Variants in RPL4 observed in about 807,000 individuals in gnomAD.
RPL4 encodes the protein large ribosomal subunit protein uL4.
In RPL4, 3 loss-of-function variants were observed where a neutral mutation model predicts 47.7. The ratio of observed to expected loss-of-function variants is 0.06; its 90% CI spans 0.03 to 0.16. The LOEUF is 0.16. RPL4 is among the 10% of genes least tolerant of loss of function. RPL4 has a pLI of 1.00. For missense variants in RPL4, 413 were observed against 551.3 expected (o/e 0.75, Z 2.51); for synonymous variants, 208 against 182.1 (o/e 1.14, Z -1.15).
chr15:66,501,652 A>G, intron 5 of RPL4, 136 bp downstream of exon 5: 1 of 1,501,670 alleles, frequency 6.7e-7, no homozygotes, highest in Non-Finnish European at 9.0e-7. Flanking sequence ...TAGGATTCAA[A>G]CCCAAGTAAT....
In RPL4 at chr15:66,499,108, A is replaced by G. The variant is rs1056002255; in HGVS notation, c.*299T>C. ...TTGAACAGCCTCTGCGTTTCTGACC[A>G]AGTCCTGTTACACCTATTTTTCAAG... On this transcript the variant is annotated 3_prime_UTR_variant, in exon 10 of 10. Transcript: ENST00000307961. 5 of 276,998 alleles carry G rather than the reference A, an allele frequency of 1.8e-5. No homozygotes were observed. Among genetic ancestry groups the G allele is most frequent in the Admixed American group, 4.9e-5 (1 of 20,400 alleles). 17.2% of individuals were successfully genotyped at this position (276,998 alleles called of 1,614,324 possible).
rs764445070 is a variant in RPL4, at chr15:66,500,311, C to T, written c.899G>A (p.Arg300Lys). Reference protein sequence around the residue: ...SRILKSPEIQRALRAPRKKIH... With the variant: ...SRILKSPEIQKALRAPRKKIH... The stretch of plus-strand genomic sequence containing the variant: ...ACTTTACCGTGGTGCTCGAAGGGCT[C>T]TTTGGATCTCTGGGCTTTTCAAGAT... Residue 300 changes from arginine to lysine, a missense_variant, in exon 8 of 10, where the codon AGA becomes AAA. Around this residue, in one of 4 missense-constraint regions of RPL4, gnomAD observed 214 missense variants for 304.2 expected, o/e 0.70. Transcript: ENST00000307961. 2 of 1,614,068 alleles carry T rather than the reference C, an allele frequency of 1.2e-6. No homozygotes were observed. Among genetic ancestry groups the T allele is most frequent in the Admixed American group, 1.7e-5 (1 of 60,020 alleles).
chr15:66,502,977 C>T (rs117657369), intron 3 of RPL4, 81 bp downstream of exon 3: 26,910 of 1,378,082 alleles, frequency 0.02, 356 homozygotes, highest in Non-Finnish European at 0.025. Flanking sequence ...ATTTTTACAC[C>T]GTATTATCAT....
chr15:66,501,533 A>AT, intron 5 of RPL4, 29 bp from the exon 6 acceptor site: 1 of 1,612,790 alleles, frequency 6.2e-7, no homozygotes, highest in Non-Finnish European at 8.5e-7. Context: ...TAGTATTCTG[A>AT]TTAAGATAGA....
rs1456577331 is a variant in RPL4 at position 66,501,358 on chromosome 15, G to A, written c.676+17C>T. The A allele has an allele frequency of 6.2e-7, 1 of 1,614,104 alleles. No homozygotes were observed. Among genetic ancestry groups the A allele is most frequent in the East Asian group, 2.2e-5 (1 of 44,892 alleles). On this transcript the variant is annotated intron_variant, in intron 6 of 9. Transcript: ENST00000307961. ...TGCAGAGTATACCTAGTCAATATAT[G>A]TAAGCAGTTTAATTACCAGGGATGT...
rs772293642 is a variant in RPL4, at chr15:66,500,674, T to C, written c.833+275A>G. ...GCACAAGCCTGTAGTCCCAGGTACT[T>C]GGGAGGCTGAGACAGGAGAACTGCT... On this transcript the variant is annotated intron_variant, in intron 7 of 9. Transcript: ENST00000307961. 3.3e-4 allele frequency: 181 copies of C among 541,274 alleles called. 1 individual carries two copies. Among genetic ancestry groups the C allele is most frequent in the Non-Finnish European group, 5.2e-4 (159 of 307,062 alleles). The allele number at this position is 541,274 out of a possible 1,614,324, so 33.5% of individuals were successfully genotyped here.
rs367993921 is a variant in RPL4, at chr15:66,504,755, G to A, written c.3+33C>T. 9 of 1,610,696 alleles carry A rather than the reference G, an allele frequency of 5.6e-6. No individual in the cohort carries two copies. In the Admixed American group the frequency reaches 8.4e-5, roughly 15 times the overall value. ...TCCTTCCTTACTGGCCCCGAGATAC[G>A]GGGTAAGGCCAGCCAAGAGAACTTC... is the stretch of plus-strand genomic sequence containing the variant. On this transcript the variant is annotated intron_variant, in intron 1 of 9. Transcript: ENST00000307961.
rs143293188 is a variant in RPL4, at chr15:66,501,095, C to T, written c.687G>A (p.Leu229=). The T allele has an allele frequency of 5.8e-4, 940 of 1,610,152 alleles. No individual in the cohort carries two copies. The highest frequency in any genetic ancestry group is 7.5e-4 in the Non-Finnish European group (880 of 1,179,118). Residue 229 remains leucine, a synonymous_variant, in exon 7 of 10, where the codon CTG becomes CTA. Coordinates refer to ENST00000307961, the MANE Select transcript of RPL4 (RefSeq NM_000968.4). ...AAATGTTCAGCTTGCTTACATTAAGCAGAGTAATTCCTTTTAAAGGGAAAG... is the reference window on the plus strand; with the variant it reads ...AAATGTTCAGCTTGCTTACATTAAGTAGAGTAATTCCTTTTAAAGGGAAAG... The part of the protein sequence containing the change: ...KAFRNIPGIT[L]LNVSKLNILK...
intron 7 of RPL4, 184 bp from the exon 8 acceptor site, chr15:66,500,560 G>T: frequency 1.6e-6 from 1 of 606,618 alleles, no homozygotes. Context: ...TGGGGAGGCC[G>T]AGGCGGGTGG....
intron 3 of RPL4, 36 bp downstream of exon 3, chr15:66,503,022 G>C (rs777772645): frequency 9.5e-6 from 15 of 1,571,704 alleles, no homozygotes; most frequent in Middle Eastern, 1.7e-4. Flanking sequence ...AATTCCATCA[G>C]AGATGACCAG....
Position 66,502,661 on chromosome 15 carries a change from G to T in RPL4, c.372C>A (p.Ile124=). ...GGGCTGAGGCAGCCAGGGCAGAACA[G>T]ATGGCGTATCGTTTTTGGGTTGTGT... The part of the protein sequence containing the change: ...RVNTTQKRYA[I]CSALAASALP... Residue 124 remains isoleucine (I), a synonymous_variant, in exon 4 of 10, where the codon ATC becomes ATA. Coordinates refer to ENST00000307961, the MANE Select transcript of RPL4 (RefSeq NM_000968.4). 6.2e-7 allele frequency: 1 copy of T among 1,613,450 alleles called. No individual in the cohort carries two copies. The highest frequency in any genetic ancestry group is 8.5e-7 in the Non-Finnish European group (1 of 1,179,866).
rs79422795 is a variant in RPL4, at chr15:66,499,321, T to C, written c.*86A>G. ...CTTTACAGAGCACACCAAGTCATGT[T>C]TCTCACTGCCTGTATAATCAGGTCT... is the stretch of plus-strand genomic sequence containing the variant. On this transcript the variant is annotated 3_prime_UTR_variant, in exon 10 of 10. Coordinates refer to ENST00000307961, the MANE Select transcript of RPL4 (RefSeq NM_000968.4). 3.1e-3 allele frequency: 4,654 copies of C among 1,495,510 alleles called. 120 individuals carry two copies. In the African/African-American group the frequency reaches 0.057, roughly 18 times the overall value. The allele number at this position is 1,495,510 out of a possible 1,614,324, so 92.6% of individuals were successfully genotyped here.
rs1322260164 is a variant in RPL4 at position 66,501,026 on chromosome 15, C to A, written c.756G>T (p.Trp252Cys). The A allele has an allele frequency of 6.2e-7, 1 of 1,613,856 alleles. No homozygotes were observed. The highest frequency in any genetic ancestry group is 8.5e-7 in the Non-Finnish European group (1 of 1,179,936). The change falls in exon 7 of 10, where the codon TGG becomes TGT. Residue 252 changes from tryptophan to cysteine, a missense_variant. By Grantham distance (215) the Trp-to-Cys change is radical. Around this residue, in one of 4 missense-constraint regions of RPL4, gnomAD observed 214 missense variants for 304.2 expected, o/e 0.70. Coordinates refer to ENST00000307961, the MANE Select transcript of RPL4 (RefSeq NM_000968.4). ...CTAACTTCCGGAAAGCACTTTCAGTCCAAATGCAGAAACGTCCCACATGCC... is the reference window on the plus strand; with the variant it reads ...CTAACTTCCGGAAAGCACTTTCAGTACAAATGCAGAAACGTCCCACATGCC... ...PGGHVGRFCI[W>C]TESAFRKLDE...
At chr15:66,504,762 GGCCA>G in intron 1 of RPL4, 22 bp downstream of exon 1, 1 of 1,611,554 alleles carries the variant, frequency 6.2e-7, no homozygotes, top group Non-Finnish European at 8.5e-7. Context: ...TACGGGGTAA[GGCCA>G]GCCAAGAGAA....
intron 5 of RPL4, 72 bp from the exon 6 acceptor site, chr15:66,501,576 C>CT: frequency 1.3e-6 from 2 of 1,588,004 alleles, no homozygotes; most frequent in Non-Finnish European, 1.7e-6. Flanking sequence ...GTTTTAATTC[C>CT]TTTTTACAGA....
At chr15:66,502,817 A>G in intron 3 of RPL4, 67 bp from the exon 4 acceptor site, 1 of 1,612,062 alleles carries the variant, frequency 6.2e-7, no homozygotes, top group Non-Finnish European at 8.5e-7. Flanking sequence ...TTTCTTGCTC[A>G]GTAAGAATTT....
intron 5 of RPL4, 99 bp from the exon 6 acceptor site, chr15:66,501,603 A>G (rs1215537296): frequency 7.7e-6 from 12 of 1,548,652 alleles, no homozygotes; most frequent in Admixed American, 3.6e-5. Flanking sequence ...AACTGGGCAC[A>G]ATAACTTGCC....
chr15:66,501,216 G>A (rs780739563), intron 6 of RPL4, 111 bp from the exon 7 acceptor site: 54 of 1,533,130 alleles, frequency 3.5e-5, no homozygotes, highest in Middle Eastern at 1.7e-4. Context: ...TAATTATGAA[G>A]TTTCAACCAT....
intron 3 of RPL4, 146 bp from the exon 4 acceptor site, chr15:66,502,896 TACG>T (rs1409436946): frequency 5.1e-6 from 7 of 1,361,020 alleles, no homozygotes; most frequent in South Asian, 2.3e-5. Flanking sequence ...AGACGCAAAT[TACG>T]ACATCATTGC....
Sources: allele counts gnomAD v4.1 joint callset, GRCh38; gene constraint gnomAD v4.1.1; regional missense constraint gnomAD v4.1.1; transcripts MANE v1.5; gene names NCBI Gene and HGNC (gene_info 2026-07-23, HGNC 2026-07-21).